Variants in ACACB observed in about 807,000 individuals in gnomAD.
The protein encoded by ACACB is acetyl-CoA carboxylase beta.
ACACB carries 209 observed loss-of-function variants against 278.8 expected under a neutral mutation model. That is an observed-to-expected ratio of 0.75 (90% CI 0.67 to 0.84). The LOEUF is 0.84. Among genes scored for constraint, ACACB ranks in the 40% least tolerant of loss-of-function variants. The probability of loss-of-function intolerance (pLI) is 0.00; values close to 1 mark genes in which losing one functional copy is unlikely to be tolerated. For synonymous variants in ACACB, 1,174 were observed against 1,285.6 expected, an observed-to-expected ratio of 0.91 and a Z score of 1.86; for missense variants, 2,850 against 3,269.0, an observed-to-expected ratio of 0.87 and a Z score of 3.13.
chr12:109,196,895 C>A, intron 16 of ACACB, 113 bp from the exon 17 acceptor site: 1 of 1,235,384 alleles, frequency 8.1e-7, no homozygotes, highest in Non-Finnish European at 1.1e-6. Flanking sequence ...CGGGGGTGTT[C>A]ATCTTGGCCC....
chr12:109,161,073 G>A lies in ACACB; in HGVS notation c.654-5788G>A, dbSNP rs142594985. 4.1e-4 allele frequency among the ~76,000 whole-genome samples: 63 copies of A among 152,250 alleles called. No individual in the cohort carries two copies. In the East Asian group the frequency reaches 0.012, roughly 28 times the overall value. ...GGGTGCGGCTGTGTGTGGGAATGTC[G>A]ATTAGTACAACCTCTGTGGAAAACA... On this transcript the variant is annotated intron_variant, in intron 2 of 52. Coordinates refer to ENST00000338432, the MANE Select transcript of ACACB (RefSeq NM_001093.4).
At chr12:109,209,085 C>A in intron 20 of ACACB, 80 bp from the exon 21 acceptor site, 1 of 1,455,934 alleles carries the variant, frequency 6.9e-7, no homozygotes, top group Non-Finnish European at 9.3e-7. Context: ...ATGGGTTGAG[C>A]TGTGTTGGGT....
At chr12:109,248,292 C>T (rs1426566098) in intron 40 of ACACB, among the ~76,000 whole-genome samples, 1 of 152,034 alleles carries the variant, frequency 6.6e-6, no homozygotes, top group Non-Finnish European at 1.5e-5. Context: ...TCAGCGTTCT[C>T]CAGAGGGACA....
intron 21 of ACACB, among the ~76,000 whole-genome samples, chr12:109,210,331 GTATATACACGCACACACATATCTGTGTA>G (rs2045767410): frequency 1.3e-5 from 1 of 77,766 alleles, no homozygotes; most frequent in Non-Finnish European, 2.7e-5. Flanking sequence ...GTGTATATAT[GTATATACACGCACACACATATCTGTGTA>G]TATATGTATA....
chr12:109,242,305 C>A, intron 36 of ACACB, 132 bp from the exon 37 acceptor site: 1 of 984,190 alleles, frequency 1.0e-6, no homozygotes, highest in East Asian at 2.5e-5. Flanking sequence ...GTAGCCCAGG[C>A]ACTCACTTTG....
chr12:109,142,287 A>AG (rs1242734116), intron 2 of ACACB, among the ~76,000 whole-genome samples: 1 of 152,126 alleles, frequency 6.6e-6, no homozygotes, highest in Non-Finnish European at 1.5e-5. Flanking sequence ...AAACCAACAA[A>AG]CTTATAACAT....
At chr12:109,115,733 C>G (rs2042390619), upstream of ACACB, among the ~76,000 whole-genome samples, 1 of 152,218 alleles carries the variant, frequency 6.6e-6, no homozygotes, top group Non-Finnish European at 1.5e-5. Flanking sequence ...AAAATAAGCC[C>G]AGAAACAAAG....
rs138035402 is a variant in ACACB, at chr12:109,172,166, C to T, written c.1036-109C>T. On this transcript the variant is annotated intron_variant, in intron 5 of 52. Coordinates refer to ENST00000338432, the MANE Select transcript of ACACB (RefSeq NM_001093.4). ...CGAACTCCTGGGCTCAAGTGATCCT[C>T]CTGCCTTGGCCTCCCAAACTGCTGG... The T allele has an allele frequency of 6.3e-3, 6,523 of 1,043,536 alleles. 33 individuals carry two copies. Among genetic ancestry groups the T allele is most frequent in the Non-Finnish European group, 7.5e-3 (5,137 of 685,328 alleles). 64.6% of individuals were successfully genotyped at this position (1,043,536 alleles called of 1,614,324 possible).
At chr12:109,247,546 AAAAC>A in intron 39 of ACACB, 56 bp from the exon 40 acceptor site, 1 of 1,300,152 alleles carries the variant, frequency 7.7e-7, no homozygotes, top group East Asian at 2.3e-5. Context: ...TAAGAAAAAA[AAAAC>A]AGTGGCTTTC....
chr12:109,233,648 T>C lies in ACACB; in HGVS notation c.4140-100T>C, dbSNP rs139295247. On this transcript the variant is annotated intron_variant, in intron 29 of 52. Coordinates refer to ENST00000338432, the MANE Select transcript of ACACB (RefSeq NM_001093.4). ...AGATCAAAGGGTGTTGGCTGGGAAA[T>C]TGGGAGGGTCTGGCGTTCCCTGCTG... is the stretch of plus-strand genomic sequence containing the variant. The C allele has an allele frequency of 9.7e-4, 933 of 963,456 alleles. 3 individuals carry two copies. The African/African-American group carries it at 0.014, about 14-fold the overall frequency. The allele number at this position is 963,456 out of a possible 1,614,324, so 59.7% of individuals were successfully genotyped here.
In ACACB at chr12:109,139,627, C is replaced by T. The variant is rs368045407; in HGVS notation, c.222C>T (p.Ala74=). 1.3e-5 allele frequency: 21 copies of T among 1,614,060 alleles called. No homozygotes were observed. Among genetic ancestry groups the T allele is most frequent in the Admixed American group, 1.7e-5 (1 of 60,012 alleles). Residue 74 remains alanine, a synonymous_variant, in exon 2 of 53, where the codon GCC becomes GCT. Coordinates refer to ENST00000338432, the MANE Select transcript of ACACB (RefSeq NM_001093.4). ...GHTLPKTPSQ[A]EPASHKGPKD... ...CTCTGCCCAAGACACCCAGCCAGGC[C>T]GAGCCAGCCTCCCACAAAGGCCCCA...
chr12:109,180,388 T>G (rs903449085), intron 11 of ACACB, among the ~76,000 whole-genome samples: 2 of 152,188 alleles, frequency 1.3e-5, no homozygotes, highest in Non-Finnish European at 2.9e-5. Context: ...AATTTTAATA[T>G]CACAAATATA....
intron 19 of ACACB, among the ~76,000 whole-genome samples, chr12:109,206,164 A>G (rs556897840): frequency 5.0e-4 from 76 of 152,240 alleles, no homozygotes; most frequent in South Asian, 8.3e-4. Flanking sequence ...GGCCGGGCGC[A>G]GTGGCTCACC....
At chr12:109,148,874 A>G (rs1051598645) in intron 2 of ACACB, among the ~76,000 whole-genome samples, 10 of 152,168 alleles carry the variant, frequency 6.6e-5, no homozygotes, top group Non-Finnish European at 4.4e-5. Context: ...GTAAATAATC[A>G]TTTTATGTGG....
chr12:109,208,533 G>A (rs2045589651), intron 20 of ACACB, among the ~76,000 whole-genome samples: 1 of 152,128 alleles, frequency 6.6e-6, no homozygotes, highest in Non-Finnish European at 1.5e-5. Context: ...ATTAGTTGGG[G>A]CACTTCGCAG....
chr12:109,239,853 G>A lies in ACACB; in HGVS notation c.4686G>A (p.Gln1562=). 6.2e-7 allele frequency: 1 copy of A among 1,613,932 alleles called. No individual in the cohort carries two copies. The highest frequency in any genetic ancestry group is 8.5e-7 in the Non-Finnish European group (1 of 1,179,904). ...AGGAAGCCTCCTTCGAATACCTGCA[G>A]AACGAGGGTGAGCGGCTGCTCCTGG... The part of the protein sequence containing the change: ...ITKEASFEYL[Q]NEGERLLLEA... The change falls in exon 35 of 53, where the codon CAG becomes CAA. Residue 1562 remains glutamine (Q), a synonymous_variant. Coordinates refer to ENST00000338432, the MANE Select transcript of ACACB (RefSeq NM_001093.4).
At chr12:109,221,328 C>T (rs1276071559) in intron 24 of ACACB, among the ~76,000 whole-genome samples, 3 of 152,084 alleles carry the variant, frequency 2.0e-5, no homozygotes, top group Non-Finnish European at 2.9e-5. Flanking sequence ...AGTGGATGCC[C>T]GGGGTGGGGA....
rs560469698 is a variant in ACACB at position 109,265,152 on chromosome 12, C to T, written c.6985C>T (p.Arg2329Cys). 12 of 1,613,510 alleles carry T rather than the reference C, an allele frequency of 7.4e-6. No homozygotes were observed. Among genetic ancestry groups the T allele is most frequent in the South Asian group, 3.3e-5 (3 of 91,002 alleles). The change falls in exon 51 of 53, where the codon CGT (arginine) becomes TGT (cysteine). Residue 2329 changes from arginine to cysteine, a missense_variant. Coordinates refer to ENST00000338432, the MANE Select transcript of ACACB (RefSeq NM_001093.4). ...GACCGCACGCACCTTCCTGTATTGGCGTCTGCGCCGCCTCCTCCTGGAGGA... is the reference window on the plus strand; with the variant it reads ...GACCGCACGCACCTTCCTGTATTGGTGTCTGCGCCGCCTCCTCCTGGAGGA... ...WKTARTFLYWRLRRLLLEDQV... is the reference protein window; with the variant it reads ...WKTARTFLYWCLRRLLLEDQV...
chr12:109,152,030 G>A (rs2043388356), intron 2 of ACACB, among the ~76,000 whole-genome samples: 1 of 152,176 alleles, frequency 6.6e-6, no homozygotes, highest in African/African-American at 2.4e-5. Context: ...ATGAAATGAT[G>A]AGCCCACCCA....
Sources: gnomAD v4.1 joint callset for allele counts (sites outside exome capture counted in the v4.1 genomes callset) on GRCh38, gnomAD v4.1.1 for gene constraint, MANE v1.5 for transcripts, NCBI Gene and HGNC (gene_info 2026-07-23, HGNC 2026-07-21) for gene names.